The following ANTXR2 variants were observed in gnomAD, a reference collection of about 807,000 sequenced individuals.
ANTXR2 encodes ANTXR cell adhesion molecule 2, also known as anthrax toxin receptor 2.
ANTXR2 carries 44 observed loss-of-function variants against 73.7 expected under a neutral mutation model. The ratio of observed to expected loss-of-function variants is 0.60; its 90% confidence interval spans 0.47 to 0.77. The LOEUF is 0.77. ANTXR2 is among the 30% of genes least tolerant of loss of function. ANTXR2 has a pLI of 0.00. For missense variants in ANTXR2, 604 were observed against 592.5 expected, an observed-to-expected ratio of 1.02 and a Z score of -0.20; for synonymous variants, 217 against 205.9, an observed-to-expected ratio of 1.05 and a Z score of -0.46.
At chr4:80,052,581 C>A (rs1023690417) in intron 7 of ANTXR2, among the ~76,000 whole-genome samples, 1 of 151,588 alleles carries the variant, frequency 6.6e-6, no homozygotes, top group Non-Finnish European at 1.5e-5. Context: ...TTACTCTTCC[C>A]TTTGTGAGCA....
intron 3 of ANTXR2, among the ~76,000 whole-genome samples, chr4:80,056,932 G>T (rs569461351): frequency 1.9e-4 from 29 of 151,784 alleles, no homozygotes; most frequent in Non-Finnish European, 3.4e-4. Flanking sequence ...GTAAAATAAT[G>T]TGGCAAAATT....
At chr4:79,966,041 T>C (rs1236653999) in intron 16 of ANTXR2, among the ~76,000 whole-genome samples, 1 of 151,934 alleles carries the variant, frequency 6.6e-6, no homozygotes, top group African/African-American at 2.4e-5. Context: ...TAGAGCCCAA[T>C]TGTAGGTATA....
chr4:79,977,916 C>T, intron 15 of ANTXR2, 91 bp downstream of exon 15: 1 of 1,419,038 alleles, frequency 7.0e-7, no homozygotes, highest in East Asian at 2.3e-5. Context: ...TTCATCTACC[C>T]TCTTTCAAGT....
At chr4:79,966,127 GACAC>G (rs10549471) in intron 16 of ANTXR2, among the ~76,000 whole-genome samples, 52,110 of 149,368 alleles carry the variant, frequency 0.35, 11,131 homozygotes, top group Non-Finnish European at 0.46. Context: ...CTAGGACTTA[GACAC>G]ACACACACAC....
chr4:80,046,494 A>G (rs1733519499), intron 7 of ANTXR2, among the ~76,000 whole-genome samples: 1 of 151,746 alleles, frequency 6.6e-6, no homozygotes, highest in African/African-American at 2.4e-5. Context: ...TAAATAGACT[A>G]TTTCAGAATT....
intron 11 of ANTXR2, among the ~76,000 whole-genome samples, chr4:80,014,622 C>T (rs73829340): frequency 0.094 from 14,360 of 152,022 alleles, 771 homozygotes; most frequent in Middle Eastern, 0.23. Flanking sequence ...AATATTTCTC[C>T]GCCTTTTGAA....
intron 12 of ANTXR2, 97 bp downstream of exon 12, chr4:80,008,424 C>G: frequency 1.1e-6 from 1 of 906,014 alleles, no homozygotes; most frequent in Non-Finnish European, 1.6e-6. Flanking sequence ...CAAACTGAAA[C>G]TTTGCTGTTA....
chr4:79,929,880 T>C (rs556618698), intron 16 of ANTXR2, among the ~76,000 whole-genome samples: 1 of 152,284 alleles, frequency 6.6e-6, no homozygotes, highest in Admixed American at 6.5e-5. Context: ...TACAATGTAG[T>C]TCTTTTTATA....
chr4:79,932,657 T>C (rs943756959), intron 16 of ANTXR2, among the ~76,000 whole-genome samples: 1 of 151,790 alleles, frequency 6.6e-6, no homozygotes, highest in African/African-American at 2.4e-5. Context: ...ATGGGCATGA[T>C]GGCGGGCGCC....
intron 3 of ANTXR2, among the ~76,000 whole-genome samples, chr4:80,064,481 G>C (rs1440815652): frequency 6.6e-6 from 1 of 152,132 alleles, no homozygotes; most frequent in Non-Finnish European, 1.5e-5. Flanking sequence ...GGGATACATG[G>C]GGGAGCAAGA....
chr4:79,911,671 C>T (rs1051491075), intron 16 of ANTXR2, among the ~76,000 whole-genome samples: 3 of 151,554 alleles, frequency 2.0e-5, no homozygotes, highest in Admixed American at 6.6e-5. Context: ...CAAAGTAATT[C>T]GATAAACTGG....
At chr4:80,061,877 C>G (rs918896770) in intron 3 of ANTXR2, among the ~76,000 whole-genome samples, 3 of 152,118 alleles carry the variant, frequency 2.0e-5, no homozygotes, top group African/African-American at 7.2e-5. Context: ...TATACCTGCT[C>G]TACTTAACTG....
At chr4:80,050,363 A>G (rs1377262793) in intron 7 of ANTXR2, among the ~76,000 whole-genome samples, 1 of 151,392 alleles carries the variant, frequency 6.6e-6, no homozygotes, top group Non-Finnish European at 1.5e-5. Flanking sequence ...ATCCTCTTAC[A>G]TGTCAGTGCC....
rs896277938 is a variant in ANTXR2 at position 79,906,505 on chromosome 4, C to A, written c.*924G>T. 1 of 152,592 alleles carries A rather than the reference C, an allele frequency of 6.6e-6. No homozygotes were observed. Among genetic ancestry groups the A allele is most frequent in the Non-Finnish European group, 1.5e-5 (1 of 68,024 alleles). 9.5% of individuals were successfully genotyped at this position (152,592 alleles called of 1,614,324 possible). On this transcript the variant is annotated 3_prime_UTR_variant, in exon 17 of 17. Coordinates refer to ENST00000403729, the MANE Select transcript of ANTXR2 (RefSeq NM_058172.6). ...AGAAAGAAAAAACCCTGAGCGGAAG[C>A]TTTGTGGTTACTGCTTCCTTTAAAT...
At chr4:80,035,678 T>C (rs530501077) in intron 8 of ANTXR2, among the ~76,000 whole-genome samples, 1 of 152,242 alleles carries the variant, frequency 6.6e-6, no homozygotes, top group African/African-American at 2.4e-5. Context: ...AAAGAAACAA[T>C]TTCATATTTT....
At chr4:79,977,917 T>C in intron 15 of ANTXR2, 90 bp downstream of exon 15, 4 of 1,420,336 alleles carry the variant, frequency 2.8e-6, no homozygotes, top group Non-Finnish European at 3.8e-6. Context: ...TCATCTACCC[T>C]CTTTCAAGTA....
Position 80,071,580 on chromosome 4 carries a change from T to TA in ANTXR2, c.224+2dup. 1 of 1,608,182 alleles carries TA rather than the reference T, an allele frequency of 6.2e-7. No homozygotes were observed. The highest frequency in any genetic ancestry group is 8.5e-7 in the Non-Finnish European group (1 of 1,174,618). On this transcript the variant is annotated splice_region_variant and intron_variant, in intron 2 of 16. Transcript: ENST00000403729. ...GCCTAGAAAAGTAAAGTAAGAAAGATACCTCACAAATCTCTCCGCAAGTTG... is the reference window on the plus strand; with the variant it reads ...GCCTAGAAAAGTAAAGTAAGAAAGATAACCTCACAAATCTCTCCGCAAGTTG...
intron 12 of ANTXR2, among the ~76,000 whole-genome samples, chr4:80,005,847 C>G (rs12504282): frequency 1.3e-5 from 2 of 151,870 alleles, no homozygotes; most frequent in East Asian, 3.9e-4. Context: ...TTAGACTGAT[C>G]GAATCTCTCC....
chr4:80,008,800 T>C (rs1731431790), intron 11 of ANTXR2, among the ~76,000 whole-genome samples, 184 bp from the exon 12 acceptor site: 2 of 152,218 alleles, frequency 1.3e-5, no homozygotes, highest in African/African-American at 2.4e-5. Flanking sequence ...ATATATATTA[T>C]GTTTTATGTT....
Sources: allele counts gnomAD v4.1 joint callset (sites outside exome capture counted in the v4.1 genomes callset), GRCh38; gene constraint gnomAD v4.1.1; transcripts MANE v1.5; gene names NCBI Gene and HGNC (gene_info 2026-07-23, HGNC 2026-07-21).